The following CEBPG variants were observed in gnomAD, a reference collection of about 807,000 sequenced individuals.
The protein encoded by CEBPG is CCAAT enhancer binding protein gamma, also known as CCAAT/enhancer-binding protein gamma.
CEBPG carries 6 observed loss-of-function variants against 11.1 expected under a neutral mutation model. The ratio of observed to expected loss-of-function variants is 0.54; its 90% CI spans 0.30 to 1.07. CEBPG has a LOEUF of 1.07. Among genes scored for constraint, CEBPG ranks in the 50% least tolerant of loss-of-function variants. The probability of loss-of-function intolerance (pLI) is 0.07; values close to 1 mark genes in which losing one functional copy is unlikely to be tolerated. For missense variants in CEBPG, 161 were observed against 187.4 expected (o/e 0.86, Z 0.82); for synonymous variants, 66 against 71.0 (o/e 0.93, Z 0.36).
rs1967976291 is a variant in CEBPG at position 33,380,728 on chromosome 19, A to G, written c.*1036A>G. The G allele has an allele frequency of 6.0e-6, 1 of 166,860 alleles. No homozygotes were observed. The highest frequency in any genetic ancestry group is 2.4e-5 in the African/African-American group (1 of 41,470). The allele number at this position is 166,860 out of a possible 1,614,324, so 10.3% of individuals were successfully genotyped here. A position where few individuals can be genotyped will look rare whatever the true frequency, so the allele number is the denominator to read the frequency against. ...AACCAAGTGATTATTAGAGAAATGT[A>G]TCAACTCCATGCCATCTCCCAAAAT... is the stretch of plus-strand genomic sequence containing the variant. On this transcript the variant is annotated 3_prime_UTR_variant, in exon 2 of 2. Coordinates refer to ENST00000284000, the MANE Select transcript of CEBPG (RefSeq NM_001806.4).
intron 1 of CEBPG, among the ~76,000 whole-genome samples, chr19:33,377,679 T>C (rs1437769087): frequency 6.6e-6 from 1 of 152,184 alleles, no homozygotes; most frequent in Non-Finnish European, 1.5e-5. Flanking sequence ...GAACTGTCCA[T>C]TACTGAAGAT....
chr19:33,377,933 C>T (rs1967931185), intron 1 of CEBPG, among the ~76,000 whole-genome samples: 1 of 152,138 alleles, frequency 6.6e-6, no homozygotes, highest in African/African-American at 2.4e-5. Context: ...CTGAGCTTTC[C>T]CTCATTGTGG....
At position 33,380,331 on chromosome 19, in the gene CEBPG, A is replaced by G. The variant is rs1323471258; in HGVS notation, c.*639A>G. On this transcript the variant is annotated 3_prime_UTR_variant, in exon 2 of 2. Coordinates refer to ENST00000284000, the MANE Select transcript of CEBPG (RefSeq NM_001806.4). ...AGGTAGTGTGTGGCCAATTGACTTA[A>G]AAAATACAAATAACATTTAGGAAGC... 6.0e-6 allele frequency: 1 copy of G among 166,852 alleles called. No individual in the cohort carries two copies. The highest frequency in any genetic ancestry group is 2.4e-5 in the African/African-American group (1 of 41,468). 10.3% of individuals were successfully genotyped at this position (166,852 alleles called of 1,614,324 possible). A position where few individuals can be genotyped will look rare whatever the true frequency, so the allele number is the denominator to read the frequency against.
At chr19:33,377,268 G>T (rs1431921430) in intron 1 of CEBPG, among the ~76,000 whole-genome samples, 1 of 152,198 alleles carries the variant, frequency 6.6e-6, no homozygotes, top group African/African-American at 2.4e-5. Context: ...TTTGCATGTG[G>T]GGAACAGACA....
chr19:33,379,292 T>A lies in CEBPG; in HGVS notation c.53T>A (p.Val18Asp). The A allele has an allele frequency of 1.2e-6, 2 of 1,600,678 alleles. No homozygotes were observed. The highest frequency in any genetic ancestry group is 1.7e-6 in the Non-Finnish European group (2 of 1,173,506). ...ACTCCAGGGGTGAACGGAATTAGTGTTATCCATACCCAGGCACATGCCAGC... is the reference window on the plus strand; with the variant it reads ...ACTCCAGGGGTGAACGGAATTAGTGATATCCATACCCAGGCACATGCCAGC... ...NSTPGVNGIS[V>D]IHTQAHASGL... The change falls in exon 2 of 2, where the codon GTT becomes GAT. Residue 18 changes from valine (V) to aspartate (D), a missense_variant. Transcript: ENST00000284000.
chr19:33,382,598 C>G lies in CEBPG; in HGVS notation c.*2906C>G, dbSNP rs537489825. ...ACTTGTTCTTTTTGTTCCTGGCTTT[C>G]ATCAGTTTGTGAGATTTCTCTATTT... On this transcript the variant is annotated 3_prime_UTR_variant, in exon 2 of 2. Coordinates refer to ENST00000284000, the MANE Select transcript of CEBPG (RefSeq NM_001806.4). 1 of 167,190 alleles carries G rather than the reference C, an allele frequency of 6.0e-6. No individual in the cohort carries two copies. The highest frequency in any genetic ancestry group is 2.4e-5 in the African/African-American group (1 of 41,574). The allele number at this position is 167,190 out of a possible 1,614,324, so 10.4% of individuals were successfully genotyped here.
In CEBPG at chr19:33,381,128, T is replaced by G. The variant is rs2145313409; in HGVS notation, c.*1436T>G. 1.2e-5 allele frequency: 2 copies of G among 167,244 alleles called. No homozygotes were observed. The highest frequency in any genetic ancestry group is 4.1e-4 in the South Asian group (2 of 4,832). 10.4% of individuals were successfully genotyped at this position (167,244 alleles called of 1,614,324 possible). A position where few individuals can be genotyped will look rare whatever the true frequency, so the allele number is the denominator to read the frequency against. On this transcript the variant is annotated 3_prime_UTR_variant, in exon 2 of 2. Transcript: ENST00000284000. ...ACAGTTCTAGCTCAAATTTGTGTAT[T>G]TTTTGTGTGCCTGGGCTGGAGATGA...
At chr19:33,375,275 G>A (rs1967898582) in intron 1 of CEBPG, among the ~76,000 whole-genome samples, 1 of 152,094 alleles carries the variant, frequency 6.6e-6, no homozygotes, top group Admixed American at 6.5e-5. Context: ...TTCATCCCTG[G>A]GAAATTAAAC....
intron 1 of CEBPG, among the ~76,000 whole-genome samples, chr19:33,378,449 G>GA (rs1339009900): frequency 6.6e-6 from 1 of 152,006 alleles, no homozygotes; most frequent in Non-Finnish European, 1.5e-5. Context: ...ATGTCAAGAA[G>GA]AAAAAACACA....
Position 33,381,019 on chromosome 19 carries a change from C to T in CEBPG, c.*1327C>T, listed in dbSNP as rs1208559804. 1.2e-5 allele frequency: 2 copies of T among 167,014 alleles called. No homozygotes were observed. The highest frequency in any genetic ancestry group is 4.8e-5 in the African/African-American group (2 of 41,434). The allele number at this position is 167,014 out of a possible 1,614,324, so 10.3% of individuals were successfully genotyped here. On this transcript the variant is annotated 3_prime_UTR_variant, in exon 2 of 2. Transcript: ENST00000284000. ...AGTAGGGACTCTAGAGTCTGGCTTA[C>T]GTCAGTGTTGGTAGTTTAGATTGTC...
intron 1 of CEBPG, among the ~76,000 whole-genome samples, chr19:33,376,863 G>A (rs532883112): frequency 2.6e-5 from 4 of 152,308 alleles, no homozygotes; most frequent in African/African-American, 9.6e-5. Context: ...AAATCACTTA[G>A]CTCTTTGATC....
chr19:33,378,657 C>T (rs1312246765), intron 1 of CEBPG, among the ~76,000 whole-genome samples: 1 of 152,206 alleles, frequency 6.6e-6, no homozygotes, highest in Non-Finnish European at 1.5e-5. Flanking sequence ...GACTCCCTCT[C>T]TGCATATTAG....
chr19:33,374,608 G>C (rs1046605079), intron 1 of CEBPG: 3 of 152,326 alleles, frequency 2.0e-5, no homozygotes, highest in Non-Finnish European at 4.4e-5. Context: ...CCGACAGCCA[G>C]CGGAGGTGAC....
In CEBPG at chr19:33,380,246, A is replaced by G. The variant is rs573712902; in HGVS notation, c.*554A>G. ...ACATAATTAGTACTGTTTTCCCCCAAAAGTACAAGTTTTTGAGTAGCAATG... is the reference window on the plus strand; with the variant it reads ...ACATAATTAGTACTGTTTTCCCCCAGAAGTACAAGTTTTTGAGTAGCAATG... On this transcript the variant is annotated 3_prime_UTR_variant, in exon 2 of 2. Transcript: ENST00000284000. 1 of 167,226 alleles carries G rather than the reference A, an allele frequency of 6.0e-6. No homozygotes were observed. The highest frequency in any genetic ancestry group is 1.9e-4 in the East Asian group (1 of 5,198). 10.4% of individuals were successfully genotyped at this position (167,226 alleles called of 1,614,324 possible).
In CEBPG at chr19:33,380,620, CTT is replaced by C. The variant is rs1967973745; in HGVS notation, c.*929_*930del. 6.0e-6 allele frequency: 1 copy of C among 166,964 alleles called. No homozygotes were observed. Among genetic ancestry groups the C allele is most frequent in the Non-Finnish European group, 1.5e-5 (1 of 68,098 alleles). 10.3% of individuals were successfully genotyped at this position (166,964 alleles called of 1,614,324 possible). ...AATATTAATTCAGAAGGTAGTTTCTCTTGTGTTCAAAATAGCTGCCATGGGGC... is the reference window on the plus strand; with the variant it reads ...AATATTAATTCAGAAGGTAGTTTCTCGTGTTCAAAATAGCTGCCATGGGGC... On this transcript the variant is annotated 3_prime_UTR_variant, in exon 2 of 2. Transcript: ENST00000284000.
chr19:33,379,288 A>G lies in CEBPG; in HGVS notation c.49A>G (p.Ser17Gly). Residue 17 changes from serine (S) to glycine (G), a missense_variant, in exon 2 of 2, where the codon AGT becomes GGT. Physicochemically the swap from Ser to Gly is moderately conservative, Grantham distance 56 (BLOSUM62 0). Coordinates refer to ENST00000284000, the MANE Select transcript of CEBPG (RefSeq NM_001806.4). Reference sequence around the variant, plus strand: ...CAGCACTCCAGGGGTGAACGGAATTAGTGTTATCCATACCCAGGCACATGC... The same window carrying G: ...CAGCACTCCAGGGGTGAACGGAATTGGTGTTATCCATACCCAGGCACATGC... ...QNSTPGVNGI[S>G]VIHTQAHASG... 6.3e-7 allele frequency: 1 copy of G among 1,594,592 alleles called. No homozygotes were observed. Among genetic ancestry groups the G allele is most frequent in the Non-Finnish European group, 8.5e-7 (1 of 1,170,318 alleles).
rs16968033 is a variant in CEBPG at position 33,381,994 on chromosome 19, G to A, written c.*2302G>A. Reference sequence around the variant, plus strand: ...CAGTATAAAATTAGGGAAACCACGTGTGGGGAATGAATCAATTTAGAGCTT... The same window carrying A: ...CAGTATAAAATTAGGGAAACCACGTATGGGGAATGAATCAATTTAGAGCTT... On this transcript the variant is annotated 3_prime_UTR_variant, in exon 2 of 2. Transcript: ENST00000284000. 0.097 allele frequency: 16,170 copies of A among 167,188 alleles called. 2,023 individuals are homozygous for A. The highest frequency in any genetic ancestry group is 0.31 in the African/African-American group (12,735 of 41,544). The allele number at this position is 167,188 out of a possible 1,614,324, so 10.4% of individuals were successfully genotyped here.
rs115732024 is a variant in CEBPG, at chr19:33,381,219, T to G, written c.*1527T>G. 0.025 allele frequency: 4,131 copies of G among 167,250 alleles called. 74 individuals carry two copies. Among genetic ancestry groups the G allele is most frequent in the Middle Eastern group, 0.074 (22 of 296 alleles). The allele number at this position is 167,250 out of a possible 1,614,324, so 10.4% of individuals were successfully genotyped here. Reference sequence around the variant, plus strand: ...GTATCTTATTTGAACATGGTCATTTTTGGCCACATTGCTGTTTCATACTAG... The same window carrying G: ...GTATCTTATTTGAACATGGTCATTTGTGGCCACATTGCTGTTTCATACTAG... On this transcript the variant is annotated 3_prime_UTR_variant, in exon 2 of 2. Coordinates refer to ENST00000284000, the MANE Select transcript of CEBPG (RefSeq NM_001806.4).
At chr19:33,379,050 CAATT>C in intron 1 of CEBPG, 90 bp from the exon 2 acceptor site, 2 of 497,232 alleles carry the variant, frequency 4.0e-6, no homozygotes, top group Non-Finnish European at 7.0e-6. Context: ...TCAGCAGAAT[CAATT>C]AATGTTGGCC....
Sources: gnomAD v4.1 joint callset for allele counts (sites outside exome capture counted in the v4.1 genomes callset) on GRCh38, gnomAD v4.1.1 for gene constraint, MANE v1.5 for transcripts, NCBI Gene and HGNC (gene_info 2026-07-23, HGNC 2026-07-21) for gene names.